The following SPON1 variants were observed in gnomAD, a reference collection of about 807,000 sequenced individuals.
SPON1 encodes spondin-1.
A neutral mutation model predicts 111.7 loss-of-function variants in SPON1; 52 were observed. The observed-to-expected ratio is 0.47, with a 90% CI of 0.37 to 0.59. The LOEUF (loss-of-function observed/expected upper bound fraction) is 0.59. Ranked by LOEUF, SPON1 falls within the 20% of genes least tolerant of loss-of-function variation. The pLI is 0.00. For synonymous variants in SPON1, 410 were observed against 395.8 expected (o/e 1.04, Z -0.43); for missense variants, 957 against 1,068.5 (o/e 0.90, Z 1.46).
intron 6 of SPON1, among the ~76,000 whole-genome samples, chr11:14,156,625 T>C (rs1395597971): frequency 6.6e-6 from 1 of 152,102 alleles, no homozygotes; most frequent in Non-Finnish European, 1.5e-5. Context: ...TTTATGGTTT[T>C]AGGTCTAACA....
intron 2 of SPON1, among the ~76,000 whole-genome samples, chr11:14,013,109 G>A (rs566198330): frequency 9.9e-5 from 15 of 152,256 alleles, no homozygotes; most frequent in Non-Finnish European, 2.2e-4. Flanking sequence ...CCTGAACCTA[G>A]GATGTTGCTT....
At chr11:14,263,583 C>G (rs1390336712) in intron 15 of SPON1, among the ~76,000 whole-genome samples, 5 of 152,084 alleles carry the variant, frequency 3.3e-5, no homozygotes, top group Non-Finnish European at 7.4e-5. Context: ...AATATTGATC[C>G]AAGCTGACAA....
At chr11:14,126,903 C>A (rs1847466457) in intron 5 of SPON1, among the ~76,000 whole-genome samples, 2 of 152,180 alleles carry the variant, frequency 1.3e-5, no homozygotes, top group African/African-American at 4.8e-5. Context: ...TGCTTAACCA[C>A]CTCATTCTGC....
chr11:14,133,728 T>C (rs1847553187), intron 5 of SPON1, among the ~76,000 whole-genome samples: 1 of 152,224 alleles, frequency 6.6e-6, no homozygotes, highest in South Asian at 2.1e-4. Context: ...CGGCTAGGAC[T>C]CTTCACCCAG....
chr11:14,143,916 C>A (rs909096699), intron 6 of SPON1, among the ~76,000 whole-genome samples: 3 of 152,090 alleles, frequency 2.0e-5, no homozygotes, highest in African/African-American at 7.2e-5. Flanking sequence ...TATGGGGCCC[C>A]AAAGCACTGT....
chr11:14,169,639 A>T lies in SPON1; in HGVS notation c.825+34071A>T, dbSNP rs201731422. ...GGGTTTTTATGGTTTTAGGTCTAAC[A>T]TGTAAGTCTTTAATCCATCTTGAAT... is the stretch of plus-strand genomic sequence containing the variant. On this transcript the variant is annotated intron_variant, in intron 6 of 15. Coordinates refer to ENST00000576479, the MANE Select transcript of SPON1 (RefSeq NM_006108.4). Among the ~76,000 whole-genome samples the T allele has an allele frequency of 2.6e-5, 4 of 151,122 alleles. No homozygotes were observed. In the East Asian group the frequency reaches 7.8e-4, roughly 29 times the overall value.
chr11:14,134,042 C>CTTT (rs5789824), intron 5 of SPON1, among the ~76,000 whole-genome samples: 2 of 142,028 alleles, frequency 1.4e-5, no homozygotes, highest in Non-Finnish European at 3.1e-5. Context: ...TTCTTTCTTT[C>CTTT]TTTTTTTTTT....
At chr11:14,012,043 CAG>C (rs1848408818) in intron 2 of SPON1, among the ~76,000 whole-genome samples, 1 of 152,134 alleles carries the variant, frequency 6.6e-6, no homozygotes, top group Non-Finnish European at 1.5e-5. Flanking sequence ...GGCAGGTAAA[CAG>C]TGGATGGGTG....
chr11:14,023,412 G>C (rs1374331115), intron 2 of SPON1, among the ~76,000 whole-genome samples: 14 of 152,104 alleles, frequency 9.2e-5, no homozygotes, highest in African/African-American at 3.1e-4. Context: ...AGTCAAAGGT[G>C]AGGCTTAAAT....
At chr11:14,193,518 G>A (rs1425125891) in intron 6 of SPON1, among the ~76,000 whole-genome samples, 1 of 152,138 alleles carries the variant, frequency 6.6e-6, no homozygotes, top group East Asian at 1.9e-4. Context: ...AAGGTAACAG[G>A]GGTGGTCATT....
chr11:14,097,010 A>G (rs1291682624), intron 5 of SPON1, among the ~76,000 whole-genome samples: 1 of 152,156 alleles, frequency 6.6e-6, no homozygotes, highest in Non-Finnish European at 1.5e-5. Context: ...CCCTTTCTGA[A>G]TTGCCTTCCT....
intron 14 of SPON1, 47 bp downstream of exon 14, chr11:14,260,799 T>C: frequency 6.3e-7 from 1 of 1,581,176 alleles, no homozygotes; most frequent in Non-Finnish European, 8.6e-7. Context: ...TGTTCCTGAG[T>C]CCAGGGAGCC....
intron 2 of SPON1, among the ~76,000 whole-genome samples, chr11:14,040,310 A>G (rs1237292767): frequency 1.3e-5 from 2 of 152,202 alleles, no homozygotes; most frequent in East Asian, 3.8e-4. Flanking sequence ...ATACTAGGCA[A>G]CAGTCATAAA....
At chr11:14,225,119 A>G (rs1203949970) in intron 6 of SPON1, among the ~76,000 whole-genome samples, 2 of 152,166 alleles carry the variant, frequency 1.3e-5, no homozygotes, top group Non-Finnish European at 2.9e-5. Flanking sequence ...GCCCAGCTGC[A>G]TGGAGGAATA....
At chr11:14,113,592 T>A (rs1554925670) in intron 5 of SPON1, among the ~76,000 whole-genome samples, 464 of 38,752 alleles carry the variant, frequency 0.012, 70 homozygotes, top group African/African-American at 0.04. Flanking sequence ...TTTTTTTTTT[T>A]TTTTTTTTTT....
At chr11:14,216,693 T>C (rs12790584) in intron 6 of SPON1, among the ~76,000 whole-genome samples, 1 of 152,046 alleles carries the variant, frequency 6.6e-6, no homozygotes, top group African/African-American at 2.4e-5. Flanking sequence ...AACAACCCAC[T>C]CTTCAAATAA....
At chr11:14,187,582 T>G (rs1447402571) in intron 6 of SPON1, among the ~76,000 whole-genome samples, 1 of 152,114 alleles carries the variant, frequency 6.6e-6, no homozygotes, top group Non-Finnish European at 1.5e-5. Context: ...GTGCAGCAGT[T>G]AGTTTGGGGT....
At chr11:14,210,148 ATTCTGGATATTAGACC>A (rs1414904685) in intron 6 of SPON1, among the ~76,000 whole-genome samples, 1 of 152,130 alleles carries the variant, frequency 6.6e-6, no homozygotes, top group African/African-American at 2.4e-5. Flanking sequence ...TTCCTTGTAG[ATTCTGGATATTAGACC>A]TTTGTCAGAT....
chr11:14,217,430 A>G (rs532348178), intron 6 of SPON1, among the ~76,000 whole-genome samples: 2 of 152,326 alleles, frequency 1.3e-5, no homozygotes, highest in African/African-American at 4.8e-5. Context: ...TTGCTCTCTC[A>G]TATATTTTTA....
Sources: allele counts gnomAD v4.1 joint callset (sites outside exome capture counted in the v4.1 genomes callset), GRCh38; gene constraint gnomAD v4.1.1; transcripts MANE v1.5; gene names NCBI Gene and HGNC (gene_info 2026-07-23, HGNC 2026-07-21).